Variants in GRID1 observed in about 807,000 individuals in gnomAD.
The protein encoded by GRID1 is glutamate receptor ionotropic, delta-1.
In GRID1, 28 loss-of-function variants were observed where a neutral mutation model predicts 98.0. That is an observed-to-expected ratio of 0.29 (90% CI 0.21 to 0.39). GRID1 has a LOEUF of 0.39. Among genes scored for constraint, GRID1 ranks in the 10% least tolerant of loss-of-function variants. The probability of loss-of-function intolerance (pLI) is 1.00; values close to 1 mark genes in which losing one functional copy is unlikely to be tolerated. For synonymous variants in GRID1, 553 were observed against 538.5 expected, an observed-to-expected ratio of 1.03 and a Z score of -0.37; for missense variants, 1,111 against 1,340.5, an observed-to-expected ratio of 0.83 and a Z score of 2.67.
intron 3 of GRID1, among the ~76,000 whole-genome samples, chr10:86,165,625 G>A (rs1260159477): frequency 6.6e-6 from 1 of 152,216 alleles, no homozygotes; most frequent in Non-Finnish European, 1.5e-5. Context: ...CCAGTTCTGG[G>A]TTGGGTTTAA....
At chr10:85,658,243 A>T (rs1840925676) in intron 12 of GRID1, among the ~76,000 whole-genome samples, 1 of 151,990 alleles carries the variant, frequency 6.6e-6, no homozygotes, top group Non-Finnish European at 1.5e-5. Flanking sequence ...TTCCTTTCAA[A>T]TGTCTGTCTG....
intron 4 of GRID1, 41 bp downstream of exon 4, chr10:86,138,778 T>G: frequency 6.6e-7 from 1 of 1,524,632 alleles, no homozygotes; most frequent in Non-Finnish European, 9.1e-7. Flanking sequence ...TGCAGAGCCC[T>G]GGGCACCAGG....
At chr10:85,984,291 A>G (rs1033392054) in intron 4 of GRID1, among the ~76,000 whole-genome samples, 19 of 152,192 alleles carry the variant, frequency 1.2e-4, no homozygotes, top group African/African-American at 4.3e-4. Context: ...AGAAAGAGAC[A>G]TAACAGTTCT....
At chr10:85,608,807 G>C (rs1842701231) in intron 15 of GRID1, among the ~76,000 whole-genome samples, 1 of 152,200 alleles carries the variant, frequency 6.6e-6, no homozygotes, top group Non-Finnish European at 1.5e-5. Context: ...ATACACAGCG[G>C]TGTATGGTAA....
chr10:85,852,464 C>T (rs555994792), intron 8 of GRID1, among the ~76,000 whole-genome samples: 11 of 152,254 alleles, frequency 7.2e-5, no homozygotes, highest in Non-Finnish European at 1.2e-4. Flanking sequence ...GCGCCAGGCA[C>T]AGGACTGGAG....
intron 4 of GRID1, among the ~76,000 whole-genome samples, chr10:86,070,751 A>G (rs1308475346): frequency 6.6e-6 from 1 of 152,186 alleles, no homozygotes; most frequent in Non-Finnish European, 1.5e-5. Flanking sequence ...TCTTTCAACA[A>G]ACATTCATTG....
At chr10:85,829,071 C>T (rs1842845088) in intron 8 of GRID1, among the ~76,000 whole-genome samples, 1 of 152,044 alleles carries the variant, frequency 6.6e-6, no homozygotes, top group Non-Finnish European at 1.5e-5. Context: ...AAAATACTAG[C>T]AAACTGAATC....
rs565264401 is a variant in GRID1, at chr10:85,709,243, T to C, written c.1997+13760A>G. The C allele has an allele frequency of 1.2e-4, 21 of 181,730 alleles. No homozygotes were observed. In the South Asian group the frequency reaches 2.0e-3, roughly 17 times the overall value. 11.3% of individuals were successfully genotyped at this position (181,730 alleles called of 1,614,324 possible). On this transcript the variant is annotated intron_variant, in intron 12 of 15. Coordinates refer to ENST00000327946, the MANE Select transcript of GRID1 (RefSeq NM_017551.3). The stretch of plus-strand genomic sequence containing the variant: ...GAGGTTCTGCATTTCTCAGTCAGTG[T>C]GCTAAAGTGCAATAATGTTCTACAG...
At chr10:86,181,267 G>A (rs184274255) in intron 3 of GRID1, among the ~76,000 whole-genome samples, 86 of 152,326 alleles carry the variant, frequency 5.6e-4, no homozygotes, top group Admixed American at 2.9e-3. Context: ...TCAGGCTGGC[G>A]GTGCAGGGCT....
chr10:86,122,698 G>A (rs1273734844), intron 4 of GRID1, among the ~76,000 whole-genome samples: 6 of 152,226 alleles, frequency 3.9e-5, no homozygotes, highest in African/African-American at 1.4e-4. Flanking sequence ...AATTAAATGT[G>A]CAAATAGTGT....
At chr10:85,654,055 G>T (rs966351499) in intron 12 of GRID1, among the ~76,000 whole-genome samples, 2 of 152,198 alleles carry the variant, frequency 1.3e-5, no homozygotes, top group Admixed American at 1.3e-4. Flanking sequence ...TCCAAACACT[G>T]TATGAGGACA....
intron 4 of GRID1, among the ~76,000 whole-genome samples, chr10:85,956,470 A>T (rs936863048): frequency 6.6e-6 from 1 of 152,198 alleles, no homozygotes; most frequent in South Asian, 2.1e-4. Context: ...CATAAACGTC[A>T]TATCTTTAAA....
intron 8 of GRID1, among the ~76,000 whole-genome samples, chr10:85,810,723 C>T (rs1842664360): frequency 1.3e-5 from 2 of 152,164 alleles, no homozygotes; most frequent in Admixed American, 1.3e-4. Flanking sequence ...ATCAGAAAAA[C>T]AGCCTGGTGG....
At chr10:86,178,667 C>G (rs1845612179) in intron 3 of GRID1, among the ~76,000 whole-genome samples, 2 of 152,178 alleles carry the variant, frequency 1.3e-5, no homozygotes, top group Admixed American at 6.5e-5. Flanking sequence ...CTAAGCGACT[C>G]CTCATTTCCA....
rs528569549 is a variant in GRID1, at chr10:85,946,439, A to T, written c.727-30200T>A. Among the ~76,000 whole-genome samples, 63 of 152,380 alleles carry T rather than the reference A, an allele frequency of 4.1e-4. 1 individual carries two copies. The highest frequency in any genetic ancestry group is 7.8e-4 in the Admixed American group (12 of 15,298). Reference sequence around the variant, plus strand: ...CTTCACTCCTTTGCTTTTTGACTTAAAAATTAGAAACAGAAGTTCTAATAA... The same window carrying T: ...CTTCACTCCTTTGCTTTTTGACTTATAAATTAGAAACAGAAGTTCTAATAA... On this transcript the variant is annotated intron_variant, in intron 4 of 15. Coordinates refer to ENST00000327946, the MANE Select transcript of GRID1 (RefSeq NM_017551.3).
chr10:86,268,410 A>G (rs528097764), intron 2 of GRID1, among the ~76,000 whole-genome samples: 1 of 152,234 alleles, frequency 6.6e-6, no homozygotes, highest in African/African-American at 2.4e-5. Context: ...GGCAGGGAGC[A>G]TAGCCCAGGA....
At chr10:85,883,092 T>C (rs6585984) in intron 5 of GRID1, among the ~76,000 whole-genome samples, 82,339 of 151,932 alleles carry the variant, frequency 0.54, 24,643 homozygotes, top group African/African-American at 0.82. Flanking sequence ...CTACCTTCCA[T>C]GTATGTTAAC....
At chr10:85,915,490 C>T (rs1217060653) in intron 5 of GRID1, among the ~76,000 whole-genome samples, 1 of 151,860 alleles carries the variant, frequency 6.6e-6, no homozygotes, top group Non-Finnish European at 1.5e-5. Flanking sequence ...CATATTCACA[C>T]ATACATTTAT....
At chr10:85,716,140 C>T (rs1841636368) in intron 12 of GRID1, among the ~76,000 whole-genome samples, 2 of 152,134 alleles carry the variant, frequency 1.3e-5, no homozygotes, top group African/African-American at 2.4e-5. Flanking sequence ...CTCCTGACCT[C>T]AGGTGATTCA....
Sources: gnomAD v4.1 joint callset for allele counts (sites outside exome capture counted in the v4.1 genomes callset) on GRCh38, gnomAD v4.1.1 for gene constraint, MANE v1.5 for transcripts, NCBI Gene and HGNC (gene_info 2026-07-23, HGNC 2026-07-21) for gene names.